The following PTPRD variants were observed in gnomAD, a reference collection of about 807,000 sequenced individuals.
PTPRD encodes protein tyrosine phosphatase receptor type D.
In PTPRD, 34 loss-of-function variants were observed where a neutral mutation model predicts 214.5. The ratio of observed to expected loss-of-function variants is 0.16; its 90% CI spans 0.12 to 0.21. The LOEUF is 0.21. Ranked by LOEUF, PTPRD falls within the 10% of genes least tolerant of loss-of-function variation. PTPRD has a pLI of 1.00. For missense variants in PTPRD, 2,545 were observed against 2,398.7 expected (o/e 1.06, Z -1.27); for synonymous variants, 1,128 against 845.7 (o/e 1.33, Z -5.79).
intron 3 of PTPRD, among the ~76,000 whole-genome samples, chr9:10,141,052 C>A (rs1022689715): frequency 1.3e-5 from 2 of 152,094 alleles, no homozygotes; most frequent in African/African-American, 2.4e-5. Flanking sequence ...TTCAACAACC[C>A]TTCATGCTAA....
intron 9 of PTPRD, among the ~76,000 whole-genome samples, chr9:9,393,278 A>C (rs2066536034): frequency 6.6e-6 from 1 of 152,138 alleles, no homozygotes; most frequent in African/African-American, 2.4e-5. Flanking sequence ...TGTTCATATA[A>C]CTTATTTTGA....
At chr9:10,035,755 G>C (rs889016150) in intron 3 of PTPRD, among the ~76,000 whole-genome samples, 2 of 151,628 alleles carry the variant, frequency 1.3e-5, no homozygotes, top group Non-Finnish European at 2.9e-5. Context: ...AAATATGATA[G>C]CTTGAGTTCC....
chr9:9,467,213 C>CGTTT (rs1295163512), intron 8 of PTPRD, among the ~76,000 whole-genome samples: 3 of 92,900 alleles, frequency 3.2e-5, no homozygotes, highest in Non-Finnish European at 6.2e-5. Context: ...GTTCATTTAT[C>CGTTT]TTTTTTTTTT....
intron 11 of PTPRD, among the ~76,000 whole-genome samples, chr9:8,786,632 C>T (rs1414547721): frequency 6.6e-6 from 1 of 151,198 alleles, no homozygotes; most frequent in Non-Finnish European, 1.5e-5. Flanking sequence ...CGAGGCTGGT[C>T]TGGAACTCCT....
chr9:8,854,537 A>G, intron 11 of PTPRD, among the ~76,000 whole-genome samples: 1 of 152,220 alleles, frequency 6.6e-6, no homozygotes. Context: ...CTCTTTTACA[A>G]ACAGTCACCC....
At chr9:8,736,946 C>A (rs1331957441) in intron 11 of PTPRD, among the ~76,000 whole-genome samples, 2 of 152,208 alleles carry the variant, frequency 1.3e-5, no homozygotes, top group East Asian at 1.9e-4. Flanking sequence ...TGCTCCCATC[C>A]TCATGCCAGC....
At chr9:9,986,591 T>C (rs1014354658) in intron 4 of PTPRD, among the ~76,000 whole-genome samples, 1 of 152,136 alleles carries the variant, frequency 6.6e-6, no homozygotes, top group Admixed American at 6.5e-5. Flanking sequence ...TTGTATTGTT[T>C]TCTTAATATG....
intron 9 of PTPRD, among the ~76,000 whole-genome samples, chr9:9,252,048 C>T (rs1486012185): frequency 1.3e-5 from 2 of 152,012 alleles, no homozygotes; most frequent in South Asian, 2.1e-4. Context: ...GCTACATTTG[C>T]CACGGGATTT....
chr9:8,833,993 T>C (rs1289618713), intron 11 of PTPRD, among the ~76,000 whole-genome samples: 1 of 151,360 alleles, frequency 6.6e-6, no homozygotes, highest in Non-Finnish European at 1.5e-5. Flanking sequence ...TTAGTAGAAT[T>C]CTAAATTTTT....
At chr9:9,384,826 G>A (rs10977705) in intron 9 of PTPRD, among the ~76,000 whole-genome samples, 35,347 of 151,758 alleles carry the variant, frequency 0.23, 4,179 homozygotes, top group Middle Eastern at 0.37. Context: ...TTTGGTGACT[G>A]TTGCAGAAAA....
intron 2 of PTPRD, among the ~76,000 whole-genome samples, chr9:10,439,363 G>C (rs2098743954): frequency 1.3e-5 from 2 of 151,672 alleles, no homozygotes; most frequent in African/African-American, 4.8e-5. Flanking sequence ...GAAAAATCAA[G>C]CAAACAAACA....
chr9:9,731,884 A>G (rs1229367061), intron 7 of PTPRD, among the ~76,000 whole-genome samples: 1 of 152,342 alleles, frequency 6.6e-6, no homozygotes, highest in East Asian at 1.9e-4. Context: ...TGCAGTAAAG[A>G]GAACAAGATG....
At chr9:9,000,538 A>C (rs1439579311) in intron 11 of PTPRD, among the ~76,000 whole-genome samples, 1 of 152,012 alleles carries the variant, frequency 6.6e-6, no homozygotes, top group African/African-American at 2.4e-5. Context: ...TCTGCTAAGG[A>C]TCTGCATCAC....
chr9:10,311,733 GACTCA>G (rs2096271570), intron 3 of PTPRD, among the ~76,000 whole-genome samples: 1 of 151,920 alleles, frequency 6.6e-6, no homozygotes, highest in Admixed American at 6.6e-5. Context: ...TGTATAATCA[GACTCA>G]ACTCTAGGAA....
intron 9 of PTPRD, among the ~76,000 whole-genome samples, chr9:9,300,910 A>G (rs1955029500): frequency 6.6e-6 from 1 of 151,860 alleles, no homozygotes; most frequent in African/African-American, 2.4e-5. Flanking sequence ...ATATCACTTA[A>G]TTATAATGTG....
chr9:9,685,039 T>A (rs935843276), intron 7 of PTPRD, among the ~76,000 whole-genome samples: 1 of 151,498 alleles, frequency 6.6e-6, no homozygotes, highest in Non-Finnish European at 1.5e-5. Flanking sequence ...TTATTATCTA[T>A]TTTTCAGCAT....
At chr9:10,160,727 G>GA (rs1404319707) in intron 3 of PTPRD, among the ~76,000 whole-genome samples, 2 of 151,874 alleles carry the variant, frequency 1.3e-5, no homozygotes, top group East Asian at 3.9e-4. Flanking sequence ...CCTAGCCACA[G>GA]AAATTAGTCA....
At chr9:8,342,062 A>T (rs1852943440) in intron 39 of PTPRD, 84 bp from the exon 40 acceptor site, 1 of 1,336,588 alleles carries the variant, frequency 7.5e-7, no homozygotes, top group African/African-American at 1.5e-5. Flanking sequence ...TATTCTTATT[A>T]ACTAGACCTT....
intron 5 of PTPRD, among the ~76,000 whole-genome samples, chr9:9,816,244 A>G (rs2048733451): frequency 6.6e-6 from 1 of 152,182 alleles, no homozygotes; most frequent in South Asian, 2.1e-4. Context: ...TTTATGCTAA[A>G]CAAATTTTTT....
Sources: gnomAD v4.1 joint callset for allele counts (sites outside exome capture counted in the v4.1 genomes callset) on GRCh38, gnomAD v4.1.1 for gene constraint, MANE v1.5 for transcripts, NCBI Gene and HGNC (gene_info 2026-07-23, HGNC 2026-07-21) for gene names.